The following ESRRG variants were observed in gnomAD, a reference collection of about 807,000 sequenced individuals.
ESRRG encodes the protein estrogen related receptor gamma.
In ESRRG, 13 loss-of-function variants were observed where a neutral mutation model predicts 44.0. That is an observed-to-expected ratio of 0.30 (90% CI 0.19 to 0.47). The LOEUF is 0.47. Among genes scored for constraint, ESRRG ranks in the 20% least tolerant of loss-of-function variants. ESRRG has a pLI of 1.00. For synonymous variants in ESRRG, 215 were observed against 214.6 expected (o/e 1.00, Z -0.02); for missense variants, 395 against 580.6 (o/e 0.68, Z 3.29).
At chr1:216,916,333 C>T (rs1055475489) in intron 2 of ESRRG, among the ~76,000 whole-genome samples, 1 of 152,234 alleles carries the variant, frequency 6.6e-6, no homozygotes, top group Non-Finnish European at 1.5e-5. Flanking sequence ...CACCGTTCAT[C>T]ATGCCCCGCA....
In ESRRG at chr1:216,772,314, G is replaced by A. The variant is rs149176766; in HGVS notation, c.-13-94823C>T. Among the ~76,000 whole-genome samples the A allele has an allele frequency of 1.1e-3, 167 of 152,216 alleles. 1 individual carries two copies. Among genetic ancestry groups the A allele is most frequent in the Middle Eastern group, 0.01 (3 of 294 alleles). ...AGTCCTAAAACGGTGGATCTATGAT[G>A]CTGAGCTCCCAAAAGAACTCTGCTC... On this transcript the variant is annotated intron_variant, in intron 2 of 7. Coordinates refer to the ESRRG transcript ENST00000359162.
intron 2 of ESRRG, 68 bp from the exon 3 acceptor site, chr1:216,651,157 C>T: frequency 2.0e-6 from 2 of 977,204 alleles, no homozygotes; most frequent in East Asian, 2.4e-5. Context: ...TTCCCAAAGG[C>T]AATGTCAACT....
intron 2 of ESRRG, among the ~76,000 whole-genome samples, chr1:216,895,720 T>C (rs569318959): frequency 6.6e-6 from 1 of 152,270 alleles, no homozygotes; most frequent in South Asian, 2.1e-4. Context: ...AATGAAAATG[T>C]GAGTTACAGG....
intron 2 of ESRRG, among the ~76,000 whole-genome samples, chr1:216,877,658 C>A (rs1577554618): frequency 6.6e-6 from 1 of 152,074 alleles, no homozygotes; most frequent in South Asian, 2.1e-4. Context: ...CCTGCCTCAG[C>A]CTCCCAAAGT....
chr1:216,721,332 C>A (rs749076755), intron 1 of ESRRG, among the ~76,000 whole-genome samples: 2 of 152,174 alleles, frequency 1.3e-5, no homozygotes, highest in Non-Finnish European at 2.9e-5. Flanking sequence ...TAACCCGGTA[C>A]AATTACTATG....
intron 2 of ESRRG, among the ~76,000 whole-genome samples, chr1:216,672,832 A>G (rs1218574522): frequency 6.6e-6 from 1 of 152,230 alleles, no homozygotes; most frequent in Non-Finnish European, 1.5e-5. Flanking sequence ...ACATCACTGT[A>G]CAACAGCCTG....
intron 1 of ESRRG, among the ~76,000 whole-genome samples, chr1:217,132,405 A>G (rs2092978541): frequency 6.6e-6 from 1 of 152,212 alleles, no homozygotes; most frequent in Non-Finnish European, 1.5e-5. Flanking sequence ...ATGCTGGTAG[A>G]GAAGGAAGGA....
chr1:216,689,554 T>G (rs1019872666), intron 1 of ESRRG, among the ~76,000 whole-genome samples: 11 of 152,144 alleles, frequency 7.2e-5, no homozygotes, highest in African/African-American at 2.7e-4. Flanking sequence ...ATACATTTTT[T>G]TAAAATCCAA....
chr1:216,805,186 A>G (rs1373616265), intron 2 of ESRRG: 1 of 152,218 alleles, frequency 6.6e-6, no homozygotes, highest in Non-Finnish European at 1.5e-5. Context: ...AAAGCCAACA[A>G]GATGATTTAA....
rs76553315 is a variant in ESRRG at position 217,132,510 on chromosome 1, G to A, written c.-230+5157C>T. On this transcript the variant is annotated intron_variant, in intron 1 of 8. Transcript: ENST00000366940. ...TCTGGGATGGTTCAAGCTGATTATC[G>A]CATCCCTGGCAACTTAGCAGCCAGT... is the stretch of plus-strand genomic sequence containing the variant. 3.2e-4 allele frequency among the ~76,000 whole-genome samples: 48 copies of A among 152,288 alleles called. No individual in the cohort carries two copies. In the East Asian group the frequency reaches 8.1e-3, roughly 26 times the overall value.
intron 3 of ESRRG, among the ~76,000 whole-genome samples, chr1:216,626,352 T>C (rs2063186358): frequency 6.6e-6 from 1 of 152,138 alleles, no homozygotes; most frequent in Non-Finnish European, 1.5e-5. Flanking sequence ...TCACTTCCCA[T>C]CTTGTGTTTT....
At position 217,028,276 on chromosome 1, in the gene ESRRG, A is replaced by T. The variant is rs1401883899; in HGVS notation, c.-106+61231T>A. Among the ~76,000 whole-genome samples, 9 of 152,196 alleles carry T rather than the reference A, an allele frequency of 5.9e-5. No homozygotes were observed. The East Asian group carries it at 1.7e-3, about 29-fold the overall frequency. ...GACCTGGAAGGACTTAAAACATGCA[A>T]GGAACAACTAGAGTAGGTGTTGCCA... On this transcript the variant is annotated intron_variant, in intron 1 of 7. Coordinates refer to the ESRRG transcript ENST00000359162.
rs753276881 is a variant in ESRRG at position 216,759,456 on chromosome 1, ATT to A, written c.-13-81967_-13-81966del. 7.9e-5 allele frequency among the ~76,000 whole-genome samples: 12 copies of A among 152,134 alleles called. No individual in the cohort carries two copies. The East Asian group carries it at 2.3e-3, about 30-fold the overall frequency. On this transcript the variant is annotated intron_variant, in intron 2 of 7. Transcript: ENST00000359162. ...CCACCCACCACATGGTTTTCCCCCC[ATT>A]CACTCAAGGCCTTTAAACCTTTGCC... is the stretch of plus-strand genomic sequence containing the variant.
chr1:216,925,952 G>GA (rs2062505456), intron 2 of ESRRG, among the ~76,000 whole-genome samples: 3 of 152,142 alleles, frequency 2.0e-5, no homozygotes, highest in East Asian at 1.9e-4. Flanking sequence ...TCTGTCTCCA[G>GA]AAAAAACCAA....
At chr1:216,614,864 A>C (rs935231736) in intron 3 of ESRRG, among the ~76,000 whole-genome samples, 3 of 152,224 alleles carry the variant, frequency 2.0e-5, no homozygotes, top group African/African-American at 7.2e-5. Context: ...AACTTACTGA[A>C]GTTGACATTA....
intron 2 of ESRRG, among the ~76,000 whole-genome samples, chr1:216,850,091 T>C (rs1387592404): frequency 6.6e-6 from 1 of 152,142 alleles, no homozygotes; most frequent in Non-Finnish European, 1.5e-5. Flanking sequence ...ATTTATTATG[T>C]CTATAATGAG....
intron 2 of ESRRG, among the ~76,000 whole-genome samples, chr1:216,853,988 G>A (rs1237900984): frequency 1.3e-5 from 2 of 152,082 alleles, no homozygotes; most frequent in African/African-American, 4.8e-5. Context: ...CATGAGCCCA[G>A]ACACAATGCC....
At chr1:217,096,559 G>A (rs974632533) in intron 1 of ESRRG, among the ~76,000 whole-genome samples, 129 of 152,112 alleles carry the variant, frequency 8.5e-4, no homozygotes, top group African/African-American at 3.1e-3. Flanking sequence ...CTCAGGTAAC[G>A]ATCCTTAGAG....
chr1:217,122,926 A>C (rs2092839993), intron 1 of ESRRG, among the ~76,000 whole-genome samples: 1 of 151,716 alleles, frequency 6.6e-6, no homozygotes, highest in South Asian at 2.1e-4. Context: ...CTCAGACCTC[A>C]GGTTATCCGC....
Sources: gnomAD v4.1 joint callset for allele counts (sites outside exome capture counted in the v4.1 genomes callset) on GRCh38, gnomAD v4.1.1 for gene constraint, MANE v1.5 for transcripts, NCBI Gene and HGNC (gene_info 2026-07-23, HGNC 2026-07-21) for gene names.